CHRM5: variants seen among roughly 807,000 people sequenced by gnomAD.
CHRM5 encodes the protein muscarinic acetylcholine receptor M5.
In CHRM5, 18 loss-of-function variants were observed where a neutral mutation model predicts 39.0. The observed-to-expected ratio is 0.46, with a 90% confidence interval of 0.32 to 0.68. CHRM5 has a LOEUF of 0.68. Among genes scored for constraint, CHRM5 ranks in the 30% least tolerant of loss-of-function variants. CHRM5 has a pLI of 0.04. For missense variants in CHRM5, 515 were observed against 651.1 expected (o/e 0.79, Z 2.28); for synonymous variants, 241 against 246.3 (o/e 0.98, Z 0.20).
intron 1 of CHRM5, among the ~76,000 whole-genome samples, chr15:33,990,381 GAA>G (rs907528236): frequency 6.8e-6 from 1 of 146,978 alleles, no homozygotes. Context: ...GACCCTGTCT[GAA>G]AAAAAAAAGA....
intron 2 of CHRM5, among the ~76,000 whole-genome samples, chr15:34,051,942 A>G (rs964321752): frequency 3.3e-5 from 5 of 152,162 alleles, no homozygotes; most frequent in African/African-American, 1.2e-4. Context: ...TACCACTCCT[A>G]CTGAAACTAT....
intron 1 of CHRM5, chr15:33,972,470 G>A (rs1895680254): frequency 1.3e-5 from 2 of 151,232 alleles, no homozygotes; most frequent in Admixed American, 1.3e-4. Context: ...GAGGGGGCTG[G>A]TTAACACCTT....
At chr15:33,996,882 C>T (rs991321275) in intron 1 of CHRM5, among the ~76,000 whole-genome samples, 1 of 152,130 alleles carries the variant, frequency 6.6e-6, no homozygotes, top group East Asian at 1.9e-4. Flanking sequence ...AAGTAGGCTT[C>T]GGAAGGCTGG....
chr15:34,028,894 G>A (rs1898626682), intron 1 of CHRM5, among the ~76,000 whole-genome samples: 1 of 151,208 alleles, frequency 6.6e-6, no homozygotes, highest in Non-Finnish European at 1.5e-5. Context: ...ACACACAGAT[G>A]CCAGAAAAAA....
intron 1 of CHRM5, among the ~76,000 whole-genome samples, chr15:34,008,161 C>T (rs980664137): frequency 6.6e-6 from 1 of 152,100 alleles, no homozygotes; most frequent in East Asian, 1.9e-4. Context: ...TGGCTCACTT[C>T]TGTAATCCCA....
rs539119716 is a variant in CHRM5, at chr15:33,973,695, T to C, written c.-408+4545T>C. ...CATCTCTATAAAAAAATCTAAAAGT[T>C]AAAAAAATAAGAAAATCTATTTATA... On this transcript the variant is annotated intron_variant, in intron 1 of 2. Transcript: ENST00000383263. 1.4e-4 allele frequency among the ~76,000 whole-genome samples: 22 copies of C among 152,202 alleles called. 1 individual carries two copies. The South Asian group carries it at 4.1e-3, about 29-fold the overall frequency.
chr15:33,988,865 A>C (rs997428613), intron 1 of CHRM5, among the ~76,000 whole-genome samples: 1 of 152,236 alleles, frequency 6.6e-6, no homozygotes, highest in Non-Finnish European at 1.5e-5. Context: ...TTTTCAGTAA[A>C]GGTGATTTCC....
intron 1 of CHRM5, among the ~76,000 whole-genome samples, chr15:33,998,731 C>T (rs1270224618): frequency 6.6e-6 from 1 of 152,180 alleles, no homozygotes; most frequent in Middle Eastern, 3.2e-3. Flanking sequence ...ATACAGATCT[C>T]TCCTCCTGCT....
At chr15:34,014,251 C>G (rs1897767326) in intron 1 of CHRM5, among the ~76,000 whole-genome samples, 1 of 151,622 alleles carries the variant, frequency 6.6e-6, no homozygotes, top group African/African-American at 2.4e-5. Context: ...GTAACCCCAG[C>G]TACTTGGGAG....
At chr15:33,983,148 G>GTGTGTGTA (rs1567447410) in intron 1 of CHRM5, among the ~76,000 whole-genome samples, 18 of 137,642 alleles carry the variant, frequency 1.3e-4, no homozygotes, top group African/African-American at 5.1e-4. Context: ...GTGTGTGTGT[G>GTGTGTGTA]TGTGTGTGTG....
chr15:34,065,710 C>A lies in CHRM5; in HGVS notation c.*1394C>A, dbSNP rs954748456. The A allele has an allele frequency of 6.6e-6, 1 of 152,154 alleles. No homozygotes were observed. Among genetic ancestry groups the A allele is most frequent in the East Asian group, 1.9e-4 (1 of 5,192 alleles). 9.4% of individuals were successfully genotyped at this position (152,154 alleles called of 1,614,324 possible). A position where few individuals can be genotyped will look rare whatever the true frequency, so the allele number is the denominator to read the frequency against. On this transcript the variant is annotated 3_prime_UTR_variant, in exon 3 of 3. Coordinates refer to ENST00000383263, the MANE Select transcript of CHRM5 (RefSeq NM_012125.4). ...ATTAAAAACCACACTTAATTGAAAT[C>A]TCTAAGTGCGTATAAACAAACGGAA...
rs1270763778 is a variant in CHRM5, at chr15:34,063,701, G to C, written c.984G>C (p.Gln328His). ...DPVLQVVYKS[Q>H]GKESPGEEFS... Reference sequence around the variant, plus strand: ...TCCTCCAAGTGGTCTACAAGAGTCAGGGTAAGGAAAGCCCAGGGGAAGAAT... The same window carrying C: ...TCCTCCAAGTGGTCTACAAGAGTCACGGTAAGGAAAGCCCAGGGGAAGAAT... The change falls in exon 3 of 3, where the codon CAG becomes CAC. Residue 328 changes from glutamine to histidine, a missense_variant. By Grantham distance (24) the Gln-to-His change is conservative. Coordinates refer to ENST00000383263, the MANE Select transcript of CHRM5 (RefSeq NM_012125.4). The surrounding 1 kb of genome is among the most constrained non-coding windows in gnomAD (Gnocchi z 4.1). 6.2e-7 allele frequency: 1 copy of C among 1,614,212 alleles called. No individual in the cohort carries two copies.
chr15:33,981,863 C>T (rs1896162536), intron 1 of CHRM5, among the ~76,000 whole-genome samples: 1 of 152,018 alleles, frequency 6.6e-6, no homozygotes, highest in South Asian at 2.1e-4. Context: ...GAAACGGAGT[C>T]TCACTCTGTT....
intron 1 of CHRM5, among the ~76,000 whole-genome samples, chr15:33,981,189 C>T (rs1026925023): frequency 6.6e-5 from 10 of 152,094 alleles, no homozygotes; most frequent in South Asian, 2.1e-4. Flanking sequence ...ATATTAACAG[C>T]GATGCCTTAT....
At chr15:34,032,297 G>A (rs1009550239) in intron 1 of CHRM5, among the ~76,000 whole-genome samples, 6 of 152,148 alleles carry the variant, frequency 3.9e-5, no homozygotes, top group Admixed American at 3.3e-4. Flanking sequence ...AACCTCTCTA[G>A]AGGTCACTTG....
At chr15:33,999,715 C>T (rs73387938) in intron 1 of CHRM5, among the ~76,000 whole-genome samples, 22 of 152,302 alleles carry the variant, frequency 1.4e-4, no homozygotes, top group African/African-American at 5.1e-4. Context: ...CCGCTGCTTA[C>T]CTGGATTATT....
chr15:34,042,248 G>T (rs1899501909), intron 1 of CHRM5, among the ~76,000 whole-genome samples: 1 of 152,128 alleles, frequency 6.6e-6, no homozygotes, highest in African/African-American at 2.4e-5. Flanking sequence ...TTAAACATAT[G>T]CCATTGCATG....
chr15:34,015,526 TG>T (rs1459080684), intron 1 of CHRM5, among the ~76,000 whole-genome samples: 14 of 152,174 alleles, frequency 9.2e-5, no homozygotes, highest in Non-Finnish European at 1.9e-4. Context: ...TATCCAAAAA[TG>T]TTTTATTATA....
chr15:34,040,898 T>A (rs1401831677), intron 1 of CHRM5, among the ~76,000 whole-genome samples: 1 of 144,994 alleles, frequency 6.9e-6, no homozygotes, highest in African/African-American at 2.6e-5. Context: ...GGAGACTGTC[T>A]AAAAAAAAAA....
Sources: allele counts gnomAD v4.1 joint callset (sites outside exome capture counted in the v4.1 genomes callset), GRCh38; gene constraint gnomAD v4.1.1; non-coding constraint Gnocchi (gnomAD v3.1); transcripts MANE v1.5; gene names NCBI Gene and HGNC (gene_info 2026-07-23, HGNC 2026-07-21).